The following FAM83B variants were observed in gnomAD, a reference collection of about 807,000 sequenced individuals.
FAM83B encodes scaffolding CK1 anchoring protein B.
A neutral mutation model predicts 38.8 loss-of-function variants in FAM83B; 26 were observed. The ratio of observed to expected loss-of-function variants is 0.67; its 90% confidence interval spans 0.49 to 0.93. The LOEUF is 0.93. Ranked by LOEUF, FAM83B falls within the 40% of genes least tolerant of loss-of-function variation. The pLI, the probability that FAM83B is intolerant of heterozygous loss-of-function variation, is 0.00. For missense variants in FAM83B, 1,237 were observed against 1,197.3 expected, an observed-to-expected ratio of 1.03 and a Z score of -0.49; for synonymous variants, 419 against 423.1, an observed-to-expected ratio of 0.99 and a Z score of 0.12.
chr6:54,904,538 G>C (rs16886169), intron 2 of FAM83B, among the ~76,000 whole-genome samples: 4,358 of 152,182 alleles, frequency 0.029, 218 homozygotes, highest in African/African-American at 0.099. Flanking sequence ...GCCTGTCAGC[G>C]AATGAGAGCC....
At chr6:54,884,380 G>T (rs776780498) in intron 2 of FAM83B, among the ~76,000 whole-genome samples, 10 of 150,702 alleles carry the variant, frequency 6.6e-5, no homozygotes, top group Non-Finnish European at 1.5e-4. Context: ...TACTTGGGAG[G>T]CTGAGTCATG....
Position 54,939,832 on chromosome 6 carries a change from T to C in FAM83B, c.861T>C (p.Ala287=). 2.5e-6 allele frequency: 4 copies of C among 1,614,020 alleles called. No individual in the cohort carries two copies. Among genetic ancestry groups the C allele is most frequent in the Non-Finnish European group, 2.5e-6 (3 of 1,179,970 alleles). The change falls in exon 5 of 5, where the codon GCT becomes GCC. Residue 287 remains alanine (A), a synonymous_variant. Coordinates refer to ENST00000306858, the MANE Select transcript of FAM83B (RefSeq NM_001010872.3). The part of the protein sequence containing the change: ...YARSCVPSSF[A]QEESARVKHG... ...GATCCTGTGTCCCTAGTTCATTTGC[T>C]CAGGAAGAATCAGCAAGGGTGAAGC...
chr6:54,846,860 TC>T, intron 1 of FAM83B, 34 bp downstream of exon 1: 1 of 151,386 alleles, frequency 6.6e-6, no homozygotes, highest in African/African-American at 2.5e-5. Context: ...GCCCCGGACC[TC>T]GGCGGACGGG....
intron 2 of FAM83B, among the ~76,000 whole-genome samples, chr6:54,914,602 T>G (rs888959230): frequency 1.3e-5 from 2 of 152,186 alleles, no homozygotes; most frequent in African/African-American, 4.8e-5. Flanking sequence ...CCAGGGTTGT[T>G]GGGCATTGCT....
At chr6:54,850,323 T>G (rs779854592) in intron 1 of FAM83B, among the ~76,000 whole-genome samples, 15 of 152,214 alleles carry the variant, frequency 9.9e-5, no homozygotes, top group Non-Finnish European at 1.6e-4. Context: ...TTAGACTATG[T>G]GGTCACTCCT....
upstream of FAM83B, among the ~76,000 whole-genome samples, chr6:54,846,556 G>C (rs1771136509): frequency 6.6e-6 from 1 of 152,350 alleles, no homozygotes; most frequent in Non-Finnish European, 1.5e-5. Flanking sequence ...AGTTCAGACA[G>C]GTTCCGAGCG....
In FAM83B at chr6:54,878,449, T is replaced by A. The variant is rs13210210; in HGVS notation, c.444+7759T>A. Among the ~76,000 whole-genome samples, 933 of 152,218 alleles carry A rather than the reference T, an allele frequency of 6.1e-3. 8 individuals are homozygous for A. Among genetic ancestry groups the A allele is most frequent in the Middle Eastern group, 0.024 (7 of 292 alleles). ...AGCTGAGAGTGGTGGTGGAAGGTAG[T>A]TTGCAATTTTAAATAGGGTGCTCGG... On this transcript the variant is annotated intron_variant, in intron 2 of 4. Coordinates refer to ENST00000306858, the MANE Select transcript of FAM83B (RefSeq NM_001010872.3).
At chr6:54,865,640 T>A (rs1003923044) in intron 1 of FAM83B, among the ~76,000 whole-genome samples, 1 of 152,194 alleles carries the variant, frequency 6.6e-6, no homozygotes, top group Non-Finnish European at 1.5e-5. Context: ...TCAGTCAAAA[T>A]TCTGACTTTG....
intron 2 of FAM83B, among the ~76,000 whole-genome samples, chr6:54,924,366 A>T (rs372974364): frequency 6.6e-6 from 1 of 151,312 alleles, no homozygotes; most frequent in African/African-American, 2.4e-5. Context: ...TCTACCCCCA[A>T]CTACTGTTCA....
At chr6:54,848,056 T>C (rs1441697303) in intron 1 of FAM83B, among the ~76,000 whole-genome samples, 1 of 134,136 alleles carries the variant, frequency 7.5e-6, no homozygotes, top group Admixed American at 8.5e-5. Context: ...GAGAGAGTGA[T>C]GAAAGAGACT....
intron 3 of FAM83B, 52 bp downstream of exon 3, chr6:54,926,587 T>C: frequency 2.2e-6 from 3 of 1,393,992 alleles, no homozygotes; most frequent in Non-Finnish European, 2.9e-6. Flanking sequence ...CATTTTCAAC[T>C]CAGTCAAATG....
upstream of FAM83B, chr6:54,846,692 C>G (rs1771141471): frequency 6.6e-6 from 1 of 152,254 alleles, no homozygotes; most frequent in African/African-American, 2.4e-5. Context: ...ATCAGCCTCC[C>G]TCCGCGGACC....
intron 1 of FAM83B, among the ~76,000 whole-genome samples, chr6:54,867,828 A>T (rs1466778168): frequency 6.6e-6 from 1 of 152,136 alleles, no homozygotes; most frequent in Non-Finnish European, 1.5e-5. Context: ...CAGGTGTTTA[A>T]CATCACATAT....
intron 2 of FAM83B, among the ~76,000 whole-genome samples, chr6:54,903,935 C>T (rs575305754): frequency 2.4e-4 from 36 of 151,922 alleles, no homozygotes; most frequent in Admixed American, 2.6e-4. Context: ...CTTCCCAGCT[C>T]CTCCTCACTA....
intron 2 of FAM83B, among the ~76,000 whole-genome samples, chr6:54,889,166 C>T (rs1293165076): frequency 1.3e-5 from 2 of 152,062 alleles, no homozygotes; most frequent in Non-Finnish European, 2.9e-5. Context: ...GTCTTGAATG[C>T]TTCAATAACA....
At chr6:54,884,463 CAG>C (rs1489080442) in intron 2 of FAM83B, among the ~76,000 whole-genome samples, 5 of 135,208 alleles carry the variant, frequency 3.7e-5, no homozygotes, top group Non-Finnish European at 6.1e-5. Flanking sequence ...GCCTGTGCAA[CAG>C]AGTGAGACTC....
intron 4 of FAM83B, among the ~76,000 whole-genome samples, chr6:54,933,162 C>A (rs554591682): frequency 2.0e-5 from 3 of 148,030 alleles, no homozygotes; most frequent in Non-Finnish European, 4.5e-5. Context: ...TCATTTTGCT[C>A]TTCTGACTCA....
chr6:54,892,121 G>A (rs886180789), intron 2 of FAM83B, among the ~76,000 whole-genome samples: 5 of 152,120 alleles, frequency 3.3e-5, no homozygotes, highest in African/African-American at 1.2e-4. Context: ...GTAGCCACTT[G>A]CCTGAATGAT....
At chr6:54,869,439 C>G (rs560755805) in intron 1 of FAM83B, among the ~76,000 whole-genome samples, 1 of 152,102 alleles carries the variant, frequency 6.6e-6, no homozygotes, top group African/African-American at 2.4e-5. Flanking sequence ...ATCTCTTACT[C>G]CTGTTAAAAG....
Sources: gnomAD v4.1 joint callset for allele counts (sites outside exome capture counted in the v4.1 genomes callset) on GRCh38, gnomAD v4.1.1 for gene constraint, MANE v1.5 for transcripts, NCBI Gene and HGNC (gene_info 2026-07-23, HGNC 2026-07-21) for gene names.